Variants in ACACA observed in about 807,000 individuals in gnomAD.
ACACA encodes acetyl-CoA carboxylase alpha.
A neutral mutation model predicts 296.1 loss-of-function variants in ACACA; 103 were observed. The ratio of observed to expected loss-of-function variants is 0.35; its 90% CI spans 0.30 to 0.41. ACACA has a LOEUF of 0.41. Ranked by LOEUF, ACACA falls within the 10% of genes least tolerant of loss-of-function variation. The pLI is 1.00. For missense variants in ACACA, 1,554 were observed against 2,989.7 expected, an observed-to-expected ratio of 0.52 and a Z score of 11.20; for synonymous variants, 953 against 1,038.6, an observed-to-expected ratio of 0.92 and a Z score of 1.58.
At chr17:37,400,482 GCTGT>G (rs74838444) in intron 1 of ACACA, among the ~76,000 whole-genome samples, 54,833 of 151,606 alleles carry the variant, frequency 0.36, 11,200 homozygotes, top group African/African-American at 0.55. Flanking sequence ...ACTTATTCCT[GCTGT>G]CTAACTGAAA....
At chr17:37,198,111 T>C (rs1215439864) in intron 35 of ACACA, among the ~76,000 whole-genome samples, 1 of 152,206 alleles carries the variant, frequency 6.6e-6, no homozygotes, top group Admixed American at 6.5e-5. Context: ...AGTATACTCT[T>C]AATACTAGGG....
chr17:37,323,942 C>A (rs549473591), intron 3 of ACACA, among the ~76,000 whole-genome samples: 1 of 152,328 alleles, frequency 6.6e-6, no homozygotes, highest in South Asian at 2.1e-4. Flanking sequence ...CACTGGTTAT[C>A]AAAATTAAGA....
intron 45 of ACACA, chr17:37,143,698 T>A: frequency 1.1e-6 from 1 of 910,830 alleles, no homozygotes. Context: ...CATCATCATC[T>A]TCTTCATCTT....
chr17:37,146,485 T>TA (rs1366787693), intron 45 of ACACA, among the ~76,000 whole-genome samples: 9 of 152,044 alleles, frequency 5.9e-5, no homozygotes, highest in Non-Finnish European at 1.3e-4. Flanking sequence ...AGAAAGTTTT[T>TA]AAAAATCTCT....
intron 42 of ACACA, among the ~76,000 whole-genome samples, chr17:37,157,772 GT>G (rs1333076699): frequency 2.2e-4 from 33 of 151,864 alleles, no homozygotes; most frequent in African/African-American, 7.8e-4. Flanking sequence ...CTGACCTCAA[GT>G]TGATCCATCT....
rs61045031 is a variant in ACACA, at chr17:37,181,900, CAAAAA to C, written c.4777-549_4777-545del. The stretch of plus-strand genomic sequence containing the variant: ...GGGCAACAGAGCAAGACTCTGTATC[CAAAAA>C]AAAAAAAAAAAAAAAAAAAAAAAGG... On this transcript the variant is annotated intron_variant, in intron 39 of 55. Coordinates refer to ENST00000616317, the MANE Select transcript of ACACA (RefSeq NM_198834.3). Among the ~76,000 whole-genome samples, 39 of 22,240 alleles carry C rather than the reference CAAAAA, an allele frequency of 1.8e-3. 1 individual carries two copies. The highest frequency in any genetic ancestry group is 3.1e-3 in the Non-Finnish European group (33 of 10,640). 14.6% of individuals were successfully genotyped at this position (22,240 alleles called of 152,430 possible).
chr17:37,123,413 T>A (rs1421219154), intron 48 of ACACA, among the ~76,000 whole-genome samples: 1 of 152,182 alleles, frequency 6.6e-6, no homozygotes, highest in Admixed American at 6.5e-5. Flanking sequence ...CCCAATTTGG[T>A]CCTCATAAAG....
chr17:37,102,549 C>T (rs2073427712), intron 52 of ACACA, among the ~76,000 whole-genome samples: 1 of 152,204 alleles, frequency 6.6e-6, no homozygotes, highest in Admixed American at 6.5e-5. Context: ...TTGGGTCTGG[C>T]TCTCTCCAAA....
In ACACA at chr17:37,221,846, G is replaced by T; in HGVS notation, c.3565-4C>A. ...TATAAGCCCTTCGAACATACACCTG[G>T]TTCAAAAGAAACCCTCAGTAAATAA... On this transcript the variant is annotated splice_region_variant and splice_polypyrimidine_tract_variant and intron_variant, in intron 28 of 55. Transcript: ENST00000616317. The T allele has an allele frequency of 6.2e-7, 1 of 1,605,056 alleles. No individual in the cohort carries two copies. Among genetic ancestry groups the T allele is most frequent in the Non-Finnish European group, 8.5e-7 (1 of 1,171,868 alleles).
chr17:37,325,579 CTTTTTTT>C (rs1156553256), intron 3 of ACACA, among the ~76,000 whole-genome samples: 20 of 67,926 alleles, frequency 2.9e-4, no homozygotes, highest in East Asian at 2.9e-3. Flanking sequence ...TCTTTTCTTT[CTTTTTTT>C]TTTTTTTTTT....
At chr17:37,108,141 G>C (rs1383444064) in intron 52 of ACACA, among the ~76,000 whole-genome samples, 1 of 152,132 alleles carries the variant, frequency 6.6e-6, no homozygotes, top group Non-Finnish European at 1.5e-5. Context: ...TCTGGGGCCT[G>C]GGCTTTGCTC....
At position 37,094,967 on chromosome 17, in the gene ACACA, G is replaced by A. The variant is rs540492125; in HGVS notation, c.6891+2029C>T. Among the ~76,000 whole-genome samples the A allele has an allele frequency of 8.9e-4, 135 of 152,334 alleles. 1 individual carries two copies. The highest frequency in any genetic ancestry group is 3.1e-3 in the African/African-American group (128 of 41,568). On this transcript the variant is annotated intron_variant, in intron 54 of 55. Transcript: ENST00000616317. ...ATTCCAGCCAGGAGCTTGTACACACGTGGTCAACTGTTCTCTCCATTGATA... is the reference window on the plus strand; with the variant it reads ...ATTCCAGCCAGGAGCTTGTACACACATGGTCAACTGTTCTCTCCATTGATA...
In ACACA at chr17:37,207,784, TGGA is replaced by T. The variant is rs764919619; in HGVS notation, c.3721_3723del (p.Ser1241del). 3.7e-5 allele frequency: 60 copies of T among 1,613,858 alleles called. No homozygotes were observed. Among genetic ancestry groups the T allele is most frequent in the Non-Finnish European group, 4.6e-5 (54 of 1,179,894 alleles). ...TGGGTCATGCCATAGTGGTTGAGGT[TGGA>T]GGAGAAGGACATTCTAAATGGTAAT... On this transcript the variant is annotated inframe_deletion, in exon 31 of 56. Transcript: ENST00000616317.
chr17:37,096,822 G>A (rs951981198), intron 54 of ACACA, among the ~76,000 whole-genome samples, 174 bp downstream of exon 54: 3 of 152,284 alleles, frequency 2.0e-5, no homozygotes, highest in South Asian at 2.1e-4. Context: ...CTAACAAGAT[G>A]TCGTGACATG....
chr17:37,239,356 T>C (rs2080276501), intron 24 of ACACA, among the ~76,000 whole-genome samples: 1 of 152,216 alleles, frequency 6.6e-6, no homozygotes. Context: ...TTATACCCTT[T>C]AATTCTTTTC....
At chr17:37,182,826 A>G (rs1201167394) in intron 39 of ACACA, among the ~76,000 whole-genome samples, 3 of 152,176 alleles carry the variant, frequency 2.0e-5, no homozygotes, top group Non-Finnish European at 4.4e-5. Context: ...TTCATCTGTA[A>G]ATCCTTAGCC....
chr17:37,369,833 G>A (rs1568064384), intron 1 of ACACA, among the ~76,000 whole-genome samples: 1 of 151,884 alleles, frequency 6.6e-6, no homozygotes. Flanking sequence ...AGCTTCCCGA[G>A]TAGCTGAGAT....
At chr17:37,128,224 G>A (rs2074917696) in intron 47 of ACACA, among the ~76,000 whole-genome samples, 1 of 151,990 alleles carries the variant, frequency 6.6e-6, no homozygotes, top group South Asian at 2.1e-4. Flanking sequence ...AGATATTGTA[G>A]AAAAACAATG....
At chr17:37,347,911 C>A (rs2048706810) in intron 1 of ACACA, among the ~76,000 whole-genome samples, 1 of 152,070 alleles carries the variant, frequency 6.6e-6, no homozygotes, top group Non-Finnish European at 1.5e-5. Flanking sequence ...GTGGCTCATG[C>A]CTGTAATCCT....
Sources: allele counts gnomAD v4.1 joint callset (sites outside exome capture counted in the v4.1 genomes callset), GRCh38; gene constraint gnomAD v4.1.1; transcripts MANE v1.5; gene names NCBI Gene and HGNC (gene_info 2026-07-23, HGNC 2026-07-21).